Variants in PHF20 observed in about 807,000 individuals in gnomAD.
PHF20 encodes the protein glioma-expressed antigen 2.
A neutral mutation model predicts 113.5 loss-of-function variants in PHF20; 23 were observed. The observed-to-expected ratio is 0.20, with a 90% confidence interval of 0.15 to 0.29. The LOEUF (loss-of-function observed/expected upper bound fraction) is 0.29. Ranked by LOEUF, PHF20 falls within the 10% of genes least tolerant of loss-of-function variation. The probability of loss-of-function intolerance (pLI) is 1.00; values close to 1 mark genes in which losing one functional copy is unlikely to be tolerated. For missense variants in PHF20, 943 were observed against 1,219.6 expected, an observed-to-expected ratio of 0.77 and a Z score of 3.38; for synonymous variants, 434 against 457.3, an observed-to-expected ratio of 0.95 and a Z score of 0.65.
At chr20:35,924,044 C>T (rs2055571361) in intron 13 of PHF20, among the ~76,000 whole-genome samples, 1 of 152,134 alleles carries the variant, frequency 6.6e-6, no homozygotes, top group Admixed American at 6.6e-5. Context: ...GTGTGAGCCA[C>T]CCTGCCCTGC....
At chr20:35,805,271 T>G (rs549908317) in intron 2 of PHF20, among the ~76,000 whole-genome samples, 12 of 151,898 alleles carry the variant, frequency 7.9e-5, no homozygotes, top group African/African-American at 2.9e-4. Flanking sequence ...GGAACAGAGC[T>G]CATTGCAGCT....
intron 9 of PHF20, among the ~76,000 whole-genome samples, chr20:35,888,647 G>A (rs1437723890): frequency 6.6e-6 from 1 of 152,112 alleles, no homozygotes; most frequent in East Asian, 1.9e-4. Flanking sequence ...TTCTGGGCAT[G>A]GTGGCTCATG....
intron 1 of PHF20, chr20:35,800,216 AT>A (rs1475723758): frequency 1.3e-5 from 2 of 152,206 alleles, no homozygotes; most frequent in East Asian, 3.8e-4. Context: ...TTAAAAAAAA[AT>A]CTGGGTAAAA....
chr20:35,791,879 T>A (rs2041563525), intron 1 of PHF20, among the ~76,000 whole-genome samples: 1 of 152,112 alleles, frequency 6.6e-6, no homozygotes, highest in African/African-American at 2.4e-5. Flanking sequence ...TCTTGAGGGC[T>A]TATTTGATGG....
chr20:35,784,412 A>G (rs1024551393), intron 1 of PHF20, among the ~76,000 whole-genome samples: 1 of 148,638 alleles, frequency 6.7e-6, no homozygotes, highest in Non-Finnish European at 1.5e-5. Context: ...TAATATTTTT[A>G]ATGTTGAAAT....
intron 9 of PHF20, among the ~76,000 whole-genome samples, chr20:35,881,048 CTTTTTTT>C (rs773060725): frequency 8.2e-5 from 9 of 109,748 alleles, no homozygotes; most frequent in Non-Finnish European, 1.2e-4. Flanking sequence ...CTCTAAATAC[CTTTTTTT>C]TTTTTTTTTT....
At chr20:35,860,760 G>A (rs6142453) in intron 5 of PHF20, among the ~76,000 whole-genome samples, 1 of 152,100 alleles carries the variant, frequency 6.6e-6, no homozygotes, top group Non-Finnish European at 1.5e-5. Context: ...TTTTGTGTTA[G>A]GTTTGTAGAA....
intron 1 of PHF20, among the ~76,000 whole-genome samples, chr20:35,772,400 G>A (rs1482784185): frequency 6.6e-6 from 1 of 152,168 alleles, no homozygotes; most frequent in Non-Finnish European, 1.5e-5. Flanking sequence ...CGTGTTGGGG[G>A]TGCGGGTAAG....
chr20:35,889,018 T>C (rs945717652), intron 9 of PHF20, among the ~76,000 whole-genome samples: 2 of 127,084 alleles, frequency 1.6e-5, no homozygotes, highest in Non-Finnish European at 3.4e-5. Context: ...TCTTTTTTTT[T>C]TTTTTTTTTT....
chr20:35,934,116 A>G (rs1330453359), intron 15 of PHF20, among the ~76,000 whole-genome samples: 1 of 152,138 alleles, frequency 6.6e-6, no homozygotes, highest in South Asian at 2.1e-4. Context: ...CTGCTCCTGG[A>G]TAGGATTTCC....
In PHF20 at chr20:35,793,995, C is replaced by CAAAAAAAA. The variant is rs56189104; in HGVS notation, c.-32-7481_-32-7474dup. Among the ~76,000 whole-genome samples the CAAAAAAAA allele has an allele frequency of 2.9e-3, 97 of 33,836 alleles. 4 individuals are homozygous for CAAAAAAAA. The highest frequency in any genetic ancestry group is 0.012 in the African/African-American group (91 of 7,876). 22.2% of individuals were successfully genotyped at this position (33,836 alleles called of 152,430 possible). ...GGGCGACAAGAGCGGGACTCTGTCT[C>CAAAAAAAA]AAAAAAAAAAAAAAAAAAAAAAGGC... On this transcript the variant is annotated intron_variant, in intron 1 of 17. Coordinates refer to ENST00000374012, the MANE Select transcript of PHF20 (RefSeq NM_016436.5).
At position 35,914,337 on chromosome 20, in the gene PHF20, A is replaced by G. The variant is rs188705908; in HGVS notation, c.1825+140A>G. The G allele has an allele frequency of 3.1e-4, 266 of 850,688 alleles. No homozygotes were observed. In the East Asian group the frequency reaches 6.9e-3, roughly 22 times the overall value. The allele number at this position is 850,688 out of a possible 1,614,324, so 52.7% of individuals were successfully genotyped here. A position where few individuals can be genotyped will look rare whatever the true frequency, so the allele number is the denominator to read the frequency against. ...AGTCAGACATAATTTTTATTTTCCC[A>G]GTGTTTACAAAACTTATGTTTATAC... On this transcript the variant is annotated intron_variant, in intron 12 of 17. Coordinates refer to ENST00000374012, the MANE Select transcript of PHF20 (RefSeq NM_016436.5).
At chr20:35,846,758 A>C (rs1049278374) in intron 3 of PHF20, among the ~76,000 whole-genome samples, 2 of 152,154 alleles carry the variant, frequency 1.3e-5, no homozygotes, top group Admixed American at 6.6e-5. Flanking sequence ...CTTGTGTCCC[A>C]GCCCTTTTGT....
At chr20:35,907,172 C>G (rs969261693) in intron 10 of PHF20, among the ~76,000 whole-genome samples, 1 of 152,140 alleles carries the variant, frequency 6.6e-6, no homozygotes, top group Admixed American at 6.5e-5. Context: ...TATTCTTTTC[C>G]CTCCTGGAAG....
chr20:35,907,128 G>A (rs2055214704), intron 10 of PHF20, among the ~76,000 whole-genome samples: 1 of 152,208 alleles, frequency 6.6e-6, no homozygotes. Context: ...GCTCTGTGGT[G>A]TACAAGCAGT....
chr20:35,847,207 A>AAT (rs1439528635), intron 3 of PHF20, 143 bp from the exon 4 acceptor site: 1 of 585,414 alleles, frequency 1.7e-6, no homozygotes. Flanking sequence ...GAACAACAGA[A>AAT]ATATCTTCCT....
intron 1 of PHF20, among the ~76,000 whole-genome samples, chr20:35,794,006 A>AAAAAAAAAAAAAAC: frequency 6.8e-6 from 1 of 146,150 alleles, no homozygotes; most frequent in South Asian, 2.2e-4. Flanking sequence ...AAAAAAAAAA[A>AAAAAAAAAAAAAAC]AAAAAAAAAA....
Position 35,883,881 on chromosome 20 carries a change from C to T in PHF20, c.1282+12052C>T, listed in dbSNP as rs556792157. On this transcript the variant is annotated intron_variant, in intron 9 of 17. Coordinates refer to ENST00000374012, the MANE Select transcript of PHF20 (RefSeq NM_016436.5). ...AGTATGTGATGCAAACTTCTGCTCT[C>T]GGGGCACTCATTAAAGCAGTGTGTA... Among the ~76,000 whole-genome samples, 4 of 152,262 alleles carry T rather than the reference C, an allele frequency of 2.6e-5. No individual in the cohort carries two copies. In the South Asian group the frequency reaches 8.3e-4, roughly 32 times the overall value.
chr20:35,786,432 A>C lies in PHF20; in HGVS notation c.-33+14353A>C, dbSNP rs575415818. Among the ~76,000 whole-genome samples, 5 of 143,796 alleles carry C rather than the reference A, an allele frequency of 3.5e-5. No homozygotes were observed. In the East Asian group the frequency reaches 1.1e-3, roughly 30 times the overall value. 94.3% of individuals were successfully genotyped at this position (143,796 alleles called of 152,430 possible). ...ATAAGACTTCCCCTAGGCTGTGAGC[A>C]GTGGCTCATGCCTGTCATCCCAGCA... On this transcript the variant is annotated intron_variant, in intron 1 of 17. Transcript: ENST00000374012.
Sources: gnomAD v4.1 joint callset for allele counts (sites outside exome capture counted in the v4.1 genomes callset) on GRCh38, gnomAD v4.1.1 for gene constraint, MANE v1.5 for transcripts, NCBI Gene and HGNC (gene_info 2026-07-23, HGNC 2026-07-21) for gene names.